Variants in NCOA3 observed in about 807,000 individuals in gnomAD.
The protein encoded by NCOA3 is nuclear receptor coactivator 3, also known as CBP-interacting protein.
A neutral mutation model predicts 158.8 loss-of-function variants in NCOA3; 51 were observed. The observed-to-expected ratio is 0.32, with a 90% CI of 0.26 to 0.41. The LOEUF (loss-of-function observed/expected upper bound fraction) is 0.41, where lower values mean the gene tolerates loss of function less well. Among genes scored for constraint, NCOA3 ranks in the 10% least tolerant of loss-of-function variants. The probability of loss-of-function intolerance (pLI) is 1.00; values close to 1 mark genes in which losing one functional copy is unlikely to be tolerated. For missense variants in NCOA3, 1,510 were observed against 1,746.6 expected (o/e 0.86, Z 2.41); for synonymous variants, 537 against 592.4 (o/e 0.91, Z 1.36).
rs745507485 is a variant in NCOA3 at position 47,635,599 on chromosome 20, A to G, written c.1390A>G (p.Ser464Gly). 5 of 1,614,200 alleles carry G rather than the reference A, an allele frequency of 3.1e-6. No individual in the cohort carries two copies. In the Admixed American group the frequency reaches 8.3e-5, roughly 27 times the overall value. Residue 464 changes from serine to glycine, a missense_variant, in exon 11 of 23, where the codon AGT (serine) becomes GGT (glycine). This residue lies in a region of NCOA3 where 1,017 missense variants were observed against 1,098.3 expected (regional missense o/e 0.93). Coordinates refer to ENST00000371998, the MANE Select transcript of NCOA3 (RefSeq NM_181659.3). Reference sequence around the variant, plus strand: ...GAACAACAACTATGGGCTCAACATGAGTAGCCCCCCACATGGGAGTCCTGG... The same window carrying G: ...GAACAACAACTATGGGCTCAACATGGGTAGCCCCCCACATGGGAGTCCTGG... ...YQNNNYGLNM[S>G]SPPHGSPGLA...
intron 1 of NCOA3, among the ~76,000 whole-genome samples, chr20:47,511,546 T>TAG (rs1347188795): frequency 3.4e-5 from 1 of 29,166 alleles, no homozygotes; most frequent in Non-Finnish European, 1.1e-4. Flanking sequence ...TATATATATA[T>TAG]ATATATATAT....
intron 1 of NCOA3, among the ~76,000 whole-genome samples, chr20:47,517,144 G>T (rs1019578856): frequency 2.4e-4 from 37 of 152,278 alleles, no homozygotes; most frequent in African/African-American, 8.7e-4. Context: ...CTTGAACCTT[G>T]GAGGTGGAGG....
intron 2 of NCOA3, among the ~76,000 whole-genome samples, chr20:47,613,061 C>A (rs72645227): frequency 6.6e-6 from 1 of 152,124 alleles, no homozygotes; most frequent in African/African-American, 2.4e-5. Context: ...TGGAACCTTG[C>A]GCATAAAATA....
Position 47,647,377 on chromosome 20 carries a change from A to C in NCOA3, c.3546+11A>C. 6.2e-7 allele frequency: 1 copy of C among 1,611,354 alleles called. No individual in the cohort carries two copies. On this transcript the variant is annotated intron_variant, in intron 18 of 22. Coordinates refer to ENST00000371998, the MANE Select transcript of NCOA3 (RefSeq NM_181659.3). ...CTGCAGGGCCAGCAGGTAACCAGTC[A>C]TGTGTTCTTCCCTCTGGCTTCTCCT...
In NCOA3 at chr20:47,656,560, T is replaced by C. The variant is rs1426362455; in HGVS notation, c.*3143T>C. 3 of 152,600 alleles carry C rather than the reference T, an allele frequency of 2.0e-5. No individual in the cohort carries two copies. Among genetic ancestry groups the C allele is most frequent in the Non-Finnish European group, 1.5e-5 (1 of 68,038 alleles). 9.5% of individuals were successfully genotyped at this position (152,600 alleles called of 1,614,324 possible). On this transcript the variant is annotated 3_prime_UTR_variant, in exon 23 of 23. Transcript: ENST00000371998. ...GTTCCTAGGAGCAAAACCTCAAGGA[T>C]TGATTTATTGTTTTCAACTCCAAGG...
chr20:47,609,218 A>G (rs2086004878), intron 2 of NCOA3, among the ~76,000 whole-genome samples: 1 of 152,160 alleles, frequency 6.6e-6, no homozygotes, highest in African/African-American at 2.4e-5. Flanking sequence ...TCCTGTTTTG[A>G]TCAACAATTC....
At chr20:47,630,250 A>G (rs911867667) in intron 8 of NCOA3, 27 of 152,176 alleles carry the variant, frequency 1.8e-4, no homozygotes, top group African/African-American at 6.5e-4. Context: ...TTTGGTCACC[A>G]TTAAAATTCT....
chr20:47,562,813 TCTC>T (rs1403275906), intron 1 of NCOA3, among the ~76,000 whole-genome samples: 5 of 152,242 alleles, frequency 3.3e-5, no homozygotes, highest in African/African-American at 4.8e-5. Flanking sequence ...TTCTTTTTCT[TCTC>T]CTATATATTC....
intron 1 of NCOA3, among the ~76,000 whole-genome samples, chr20:47,510,217 A>G (rs993622918): frequency 6.6e-6 from 1 of 151,934 alleles, no homozygotes; most frequent in Non-Finnish European, 1.5e-5. Flanking sequence ...TGGATCACGA[A>G]GTCAGGAATT....
In NCOA3 at chr20:47,638,505, T is replaced by C. The variant is rs551131378; in HGVS notation, c.2513-503T>C. ...GAATGGTCATTATTCAGTAGCATTA[T>C]TTCCTAAACTAGAATGGATAGATCA... On this transcript the variant is annotated intron_variant, in intron 13 of 22. Transcript: ENST00000371998. 2.0e-5 allele frequency among the ~76,000 whole-genome samples: 3 copies of C among 152,290 alleles called. No homozygotes were observed. The East Asian group carries it at 5.8e-4, about 29-fold the overall frequency.
chr20:47,546,129 C>T (rs2084823907), intron 1 of NCOA3, among the ~76,000 whole-genome samples: 1 of 152,156 alleles, frequency 6.6e-6, no homozygotes, highest in African/African-American at 2.4e-5. Flanking sequence ...CAACATGTCC[C>T]AAACCAATCT....
chr20:47,555,743 A>G (rs2084994513), intron 1 of NCOA3, among the ~76,000 whole-genome samples: 1 of 137,924 alleles, frequency 7.3e-6, no homozygotes, highest in Non-Finnish European at 1.5e-5. Flanking sequence ...GGTTCATGCC[A>G]TTCTCCTGCC....
At chr20:47,508,267 A>G (rs1363662365) in intron 1 of NCOA3, among the ~76,000 whole-genome samples, 1 of 152,186 alleles carries the variant, frequency 6.6e-6, no homozygotes, top group African/African-American at 2.4e-5. Flanking sequence ...TAAGGCTAGC[A>G]TTTTTAGTTT....
intron 10 of NCOA3, among the ~76,000 whole-genome samples, chr20:47,634,920 CTTT>C (rs66801245): frequency 0.12 from 14,851 of 119,862 alleles, 1,120 homozygotes; most frequent in African/African-American, 0.23. Context: ...TTCTCTTCTT[CTTT>C]TTTTTTTTTT....
At chr20:47,624,182 T>A (rs1474334062) in intron 4 of NCOA3, 99 bp downstream of exon 4, 2 of 978,212 alleles carry the variant, frequency 2.0e-6, no homozygotes, top group Non-Finnish European at 3.1e-6. Flanking sequence ...ATGGACCTGG[T>A]AGAGGGGATG....
intron 2 of NCOA3, among the ~76,000 whole-genome samples, chr20:47,588,131 CTTTTTTTTTTTT>C (rs33989951): frequency 2.3e-4 from 18 of 78,566 alleles, no homozygotes; most frequent in East Asian, 1.3e-3. Flanking sequence ...CTCCACCCCA[CTTTTTTTTTTTT>C]TTTTTTTTTT....
At chr20:47,605,158 G>T (rs557954275) in intron 2 of NCOA3, among the ~76,000 whole-genome samples, 1 of 152,234 alleles carries the variant, frequency 6.6e-6, no homozygotes, top group Admixed American at 6.5e-5. Flanking sequence ...GAGCCACCAC[G>T]CCTGGCCCAT....
chr20:47,533,104 CAAAAAAAAAAA>C (rs11344209), intron 1 of NCOA3, among the ~76,000 whole-genome samples: 2 of 39,716 alleles, frequency 5.0e-5, no homozygotes, highest in Non-Finnish European at 8.6e-5. Flanking sequence ...GACTCTGTCT[CAAAAAAAAAAA>C]AAAAAAAAAA....
intron 1 of NCOA3, among the ~76,000 whole-genome samples, chr20:47,538,770 TCCTGACCTCATGATC>T (rs1409571464): frequency 1.3e-5 from 2 of 152,188 alleles, no homozygotes; most frequent in African/African-American, 4.8e-5. Flanking sequence ...GGTCTCGAAC[TCCTGACCTCATGATC>T]CTCCCACCTT....
Sources: gnomAD v4.1 joint callset for allele counts (sites outside exome capture counted in the v4.1 genomes callset) on GRCh38, gnomAD v4.1.1 for gene constraint, gnomAD v4.1.1 regional missense constraint, MANE v1.5 for transcripts, NCBI Gene and HGNC (gene_info 2026-07-23, HGNC 2026-07-21) for gene names.